The following CARD6 variants were observed in gnomAD, a reference collection of about 807,000 sequenced individuals.
CARD6 encodes caspase recruitment domain-containing protein 6.
A neutral mutation model predicts 23.6 loss-of-function variants in CARD6; 27 were observed. The ratio of observed to expected loss-of-function variants is 1.14; its 90% CI spans 0.84 to 1.58. CARD6 has a LOEUF of 1.58. Ranked by LOEUF, CARD6 falls within the 40% of genes most tolerant of loss-of-function variation. The pLI is 0.00. For missense variants in CARD6, 1,214 were observed against 1,209.9 expected, an observed-to-expected ratio of 1.00 and a Z score of -0.05; for synonymous variants, 397 against 431.8, an observed-to-expected ratio of 0.92 and a Z score of 1.00.
Position 40,849,276 on chromosome 5 carries a change from T to C in CARD6, c.842-2898T>C, listed in dbSNP as rs1352705727. Among the ~76,000 whole-genome samples the C allele has an allele frequency of 5.9e-5, 9 of 152,194 alleles. No individual in the cohort carries two copies. The South Asian group carries it at 1.0e-3, about 18-fold the overall frequency. On this transcript the variant is annotated intron_variant, in intron 2 of 2. Coordinates refer to ENST00000254691, the MANE Select transcript of CARD6 (RefSeq NM_032587.4). ...CCTCCCAAAGTGCTGGGATTATAGGTGCGAGCCACTGCACCCAGCCATGGG... is the reference window on the plus strand; with the variant it reads ...CCTCCCAAAGTGCTGGGATTATAGGCGCGAGCCACTGCACCCAGCCATGGG...
chr5:40,854,026 C>T lies in CARD6; in HGVS notation c.2694C>T (p.Ser898=). The T allele has an allele frequency of 6.2e-7, 1 of 1,614,170 alleles. No homozygotes were observed. Among genetic ancestry groups the T allele is most frequent in the South Asian group, 1.1e-5 (1 of 91,086 alleles). ...TSHIGKPHPQ[S]FQPAAATQKL... Reference sequence around the variant, plus strand: ...ATATTGGAAAGCCTCACCCTCAGTCCTTTCAACCAGCAGCAGCCACACAAA... The same window carrying T: ...ATATTGGAAAGCCTCACCCTCAGTCTTTTCAACCAGCAGCAGCCACACAAA... The change falls in exon 3 of 3, where the codon TCC becomes TCT. Residue 898 remains serine, a synonymous_variant. Transcript: ENST00000254691.
At chr5:40,842,663 A>G (rs1745882422) in intron 1 of CARD6, among the ~76,000 whole-genome samples, 1 of 151,256 alleles carries the variant, frequency 6.6e-6, no homozygotes, top group African/African-American at 2.4e-5. Context: ...TTTTTTTTTT[A>G]GTGGAAAAAA....
chr5:40,854,036 G>C lies in CARD6; in HGVS notation c.2704G>C (p.Ala902Pro), dbSNP rs775940180. Residue 902 changes from alanine to proline, a missense_variant, in exon 3 of 3, where the codon GCA becomes CCA. Transcript: ENST00000254691. Reference sequence around the variant, plus strand: ...GCCTCACCCTCAGTCCTTTCAACCAGCAGCAGCCACACAAAAACTAAGACC... The same window carrying C: ...GCCTCACCCTCAGTCCTTTCAACCACCAGCAGCCACACAAAAACTAAGACC... ...GKPHPQSFQP[A>P]AATQKLRPAS... 7.4e-6 allele frequency: 12 copies of C among 1,614,148 alleles called. No individual in the cohort carries two copies. Among genetic ancestry groups the C allele is most frequent in the Non-Finnish European group, 1.0e-5 (12 of 1,180,030 alleles).
In CARD6 at chr5:40,853,057, C is replaced by T. The variant is rs777961824; in HGVS notation, c.1725C>T (p.Ala575=). The stretch of plus-strand genomic sequence containing the variant: ...TGCTAATGTTTTTAGGAGAGGCTGC[C>T]ATTGAAAGATGCTACTTTGTTCTCA... ...WDLLMFLGEA[A]IERCYFVLSS... is the part of the protein sequence containing the mutation. Residue 575 remains alanine, a synonymous_variant, in exon 3 of 3, where the codon GCC becomes GCT. Coordinates refer to ENST00000254691, the MANE Select transcript of CARD6 (RefSeq NM_032587.4). The T allele has an allele frequency of 6.2e-7, 1 of 1,614,046 alleles. No homozygotes were observed. The highest frequency in any genetic ancestry group is 1.1e-5 in the South Asian group (1 of 91,066).
At chr5:40,852,120 T>C (rs145442851) in intron 2 of CARD6, 54 bp from the exon 3 acceptor site, 1 of 1,169,718 alleles carries the variant, frequency 8.5e-7, no homozygotes, top group Non-Finnish European at 1.2e-6. Context: ...AAGAAGTCGA[T>C]GGGGAAAATT....
At chr5:40,851,755 G>T (rs1355069221) in intron 2 of CARD6, among the ~76,000 whole-genome samples, 3 of 152,158 alleles carry the variant, frequency 2.0e-5, no homozygotes, top group African/African-American at 7.2e-5. Context: ...GGTGGAGGTT[G>T]CAGTGAGCTG....
At position 40,852,457 on chromosome 5, in the gene CARD6, C is replaced by T. The variant is rs267600629; in HGVS notation, c.1125C>T (p.Pro375=). Residue 375 remains proline, a synonymous_variant, in exon 3 of 3, where the codon CCC becomes CCT. Coordinates refer to ENST00000254691, the MANE Select transcript of CARD6 (RefSeq NM_032587.4). The part of the protein sequence containing the change: ...LEIRDIQTIN[P]LDVLCATMLC... ...TTCGAGACATACAAACCATTAATCC[C>T]CTTGACGTGCTTTGTGCCACCATGC... The T allele has an allele frequency of 6.2e-7, 1 of 1,614,126 alleles. No homozygotes were observed. The highest frequency in any genetic ancestry group is 8.5e-7 in the Non-Finnish European group (1 of 1,180,024).
Position 40,852,337 on chromosome 5 carries a change from A to C in CARD6, c.1005A>C (p.Ala335=). 6.2e-7 allele frequency: 1 copy of C among 1,614,158 alleles called. No individual in the cohort carries two copies. Among genetic ancestry groups the C allele is most frequent in the Non-Finnish European group, 8.5e-7 (1 of 1,180,002 alleles). ...GGAATTTCCTGATGAAAGTTCAAGC[A>C]CGAGATGTGACGGCTAGGGATTCAA... ...LAWNFLMKVQ[A]RDVTARDSIL... is the part of the protein sequence containing the mutation. The change falls in exon 3 of 3, where the codon GCA becomes GCC. Residue 335 remains alanine, a synonymous_variant. Coordinates refer to ENST00000254691, the MANE Select transcript of CARD6 (RefSeq NM_032587.4).
intron 2 of CARD6, among the ~76,000 whole-genome samples, chr5:40,851,631 C>T (rs1201463915): frequency 6.6e-6 from 1 of 151,632 alleles, no homozygotes; most frequent in Non-Finnish European, 1.5e-5. Flanking sequence ...GCCTAGCCAA[C>T]ATGGTGAAAT....
At chr5:40,842,048 A>G (rs1270382778) in intron 1 of CARD6, among the ~76,000 whole-genome samples, 1 of 152,222 alleles carries the variant, frequency 6.6e-6, no homozygotes, top group African/African-American at 2.4e-5. Context: ...CCAAGACCAC[A>G]AGCTGTATCT....
intron 2 of CARD6, among the ~76,000 whole-genome samples, chr5:40,849,041 T>G (rs1579803441): frequency 6.6e-6 from 1 of 151,804 alleles, no homozygotes; most frequent in Non-Finnish European, 1.5e-5. Context: ...CAGGCTGGAG[T>G]GCAGGGCCAC....
intron 2 of CARD6, among the ~76,000 whole-genome samples, chr5:40,844,594 C>T (rs922487053): frequency 2.0e-5 from 3 of 152,076 alleles, no homozygotes; most frequent in African/African-American, 4.8e-5. Context: ...GTGATATTGC[C>T]TGGGAAAACA....
Position 40,841,608 on chromosome 5 carries a change from C to G in CARD6, c.226C>G (p.Leu76Val). The G allele has an allele frequency of 6.2e-7, 1 of 1,614,072 alleles. No homozygotes were observed. The highest frequency in any genetic ancestry group is 8.5e-7 in the Non-Finnish European group (1 of 1,179,996). Reference sequence around the variant, plus strand: ...GGGAGAGGCGACCTGTCAGCATTTTCTCAAGTGTTTATTTAGTACTTTTCC... The same window carrying G: ...GGGAGAGGCGACCTGTCAGCATTTTGTCAAGTGTTTATTTAGTACTTTTCC... ...KKGEATCQHF[L>V]KCLFSTFPQS... Residue 76 changes from leucine to valine, a missense_variant, in exon 1 of 3, where the codon CTC (leucine) becomes GTC (valine). Transcript: ENST00000254691.
In CARD6 at chr5:40,852,672, T is replaced by C. The variant is rs143022216; in HGVS notation, c.1340T>C (p.Leu447Pro). Residue 447 changes from leucine to proline, a missense_variant, in exon 3 of 3, where the codon CTG becomes CCG. Transcript: ENST00000254691. Reference sequence around the variant, plus strand: ...CCTACAGAGGATACAGAAAAGTTTCTGACTCTCATGAAGATGCCTGTCATC... The same window carrying C: ...CCTACAGAGGATACAGAAAAGTTTCCGACTCTCATGAAGATGCCTGTCATC... Reference protein sequence around the residue: ...GGPTEDTEKFLTLMKMPVISF... With the variant: ...GGPTEDTEKFPTLMKMPVISF... 229 of 1,614,206 alleles carry C rather than the reference T, an allele frequency of 1.4e-4. 1 individual carries two copies. The Middle Eastern group carries it at 6.6e-3, about 47-fold the overall frequency.
rs763355913 is a variant in CARD6, at chr5:40,853,851, A to T, written c.2519A>T (p.Glu840Val). 13 of 1,614,050 alleles carry T rather than the reference A, an allele frequency of 8.1e-6. No homozygotes were observed. In the African/African-American group the frequency reaches 1.5e-4, roughly 18 times the overall value. ...PERPQMMGTL[E>V]RSRAVASKIG... ...AGACCACAAATGATGGGAACTCTTG[A>T]AAGGTCTAGGGCAGTAGCCTCCAAG... Residue 840 changes from glutamate (E) to valine (V), a missense_variant, in exon 3 of 3, where the codon GAA becomes GTA. Physicochemically the swap from Glu to Val is moderately radical, Grantham distance 121. Coordinates refer to ENST00000254691, the MANE Select transcript of CARD6 (RefSeq NM_032587.4).
At chr5:40,847,090 A>G (rs1022792017) in intron 2 of CARD6, among the ~76,000 whole-genome samples, 10 of 152,248 alleles carry the variant, frequency 6.6e-5, no homozygotes, top group African/African-American at 2.4e-4. Flanking sequence ...TAATGTAGTT[A>G]TGATCTGCAA....
intron 2 of CARD6, among the ~76,000 whole-genome samples, chr5:40,847,274 A>T (rs997442066): frequency 2.6e-5 from 4 of 152,244 alleles, no homozygotes; most frequent in African/African-American, 9.6e-5. Flanking sequence ...AAAATATCAC[A>T]GTGTCACAGT....
Position 40,843,312 on chromosome 5 carries a change from C to CCTGAAA in CARD6, c.444_445insCTGAAA (p.Phe148_Arg149insLeuLys). ...TGGATTTGGAAACCTCTGAGTTTTT[C>CCTGAAA]AGGGACAAGAAAACTAGTTATAGGG... On this transcript the variant is annotated inframe_insertion, in exon 2 of 3. Transcript: ENST00000254691. 6.2e-7 allele frequency: 1 copy of CCTGAAA among 1,614,116 alleles called. No homozygotes were observed. The highest frequency in any genetic ancestry group is 2.2e-5 in the East Asian group (1 of 44,874).
Position 40,841,604 on chromosome 5 carries a change from T to C in CARD6, c.222T>C (p.His74=). The change falls in exon 1 of 3, where the codon CAT becomes CAC. Residue 74 remains histidine (H), a synonymous_variant. Coordinates refer to ENST00000254691, the MANE Select transcript of CARD6 (RefSeq NM_032587.4). ...AAAAGGGAGAGGCGACCTGTCAGCA[T>C]TTTCTCAAGTGTTTATTTAGTACTT... ...VQKKGEATCQ[H]FLKCLFSTFP... 1.2e-6 allele frequency: 2 copies of C among 1,614,140 alleles called. No individual in the cohort carries two copies. Among genetic ancestry groups the C allele is most frequent in the Non-Finnish European group, 1.7e-6 (2 of 1,180,010 alleles).
Sources: gnomAD v4.1 joint callset for allele counts (sites outside exome capture counted in the v4.1 genomes callset) on GRCh38, gnomAD v4.1.1 for gene constraint, MANE v1.5 for transcripts, NCBI Gene and HGNC (gene_info 2026-07-23, HGNC 2026-07-21) for gene names.